Variants in NTM observed in about 807,000 individuals in gnomAD.
NTM encodes the protein IgLON family member 2.
NTM carries 13 observed loss-of-function variants against 42.1 expected under a neutral mutation model. That is an observed-to-expected ratio of 0.31 (90% CI 0.20 to 0.49). NTM has a LOEUF of 0.49. Ranked by LOEUF, NTM falls within the 20% of genes least tolerant of loss-of-function variation. The probability of loss-of-function intolerance (pLI) is 0.99; values close to 1 mark genes in which losing one functional copy is unlikely to be tolerated. For missense variants in NTM, 373 were observed against 452.8 expected (o/e 0.82, Z 1.60); for synonymous variants, 187 against 179.2 (o/e 1.04, Z -0.35).
At chr11:132,278,196 G>A (rs974239948) in intron 4 of NTM, among the ~76,000 whole-genome samples, 1 of 152,208 alleles carries the variant, frequency 6.6e-6, no homozygotes, top group African/African-American at 2.4e-5. Flanking sequence ...GTTGTACTTA[G>A]CTAGTGCTGT....
At chr11:131,778,517 G>A (rs377360754) in intron 1 of NTM, among the ~76,000 whole-genome samples, 1 of 152,296 alleles carries the variant, frequency 6.6e-6, no homozygotes, top group East Asian at 1.9e-4. Context: ...AACTACAAGA[G>A]AGAAGAAAGA....
intron 1 of NTM, among the ~76,000 whole-genome samples, chr11:131,584,311 C>T (rs1242708612): frequency 1.3e-5 from 2 of 152,206 alleles, no homozygotes; most frequent in Non-Finnish European, 2.9e-5. Flanking sequence ...ACTAACCCAG[C>T]CAGCATTTTC....
At chr11:131,629,882 T>A (rs1406560905) in intron 1 of NTM, among the ~76,000 whole-genome samples, 2 of 152,212 alleles carry the variant, frequency 1.3e-5, no homozygotes, top group Non-Finnish European at 2.9e-5. Context: ...ATTTTTCACA[T>A]GCAAAATTCT....
intron 3 of NTM, among the ~76,000 whole-genome samples, chr11:132,189,976 C>T (rs950522591): frequency 2.6e-5 from 4 of 152,172 alleles, no homozygotes; most frequent in Admixed American, 2.6e-4. Flanking sequence ...ATGATAGGTA[C>T]ATATACGAAT....
At chr11:131,754,976 T>C (rs1264429152) in intron 1 of NTM, among the ~76,000 whole-genome samples, 1 of 152,226 alleles carries the variant, frequency 6.6e-6, no homozygotes. Context: ...TTTTATGAAA[T>C]TCTAGGAAAG....
intron 2 of NTM, among the ~76,000 whole-genome samples, chr11:132,110,846 G>A (rs917902249): frequency 6.6e-6 from 1 of 151,492 alleles, no homozygotes. Context: ...ACCAGCCTGG[G>A]CAACATAGAG....
intron 1 of NTM, among the ~76,000 whole-genome samples, chr11:131,576,440 C>T (rs2057940000): frequency 6.6e-6 from 1 of 152,156 alleles, no homozygotes; most frequent in African/African-American, 2.4e-5. Context: ...GACCTGCCTT[C>T]ACCCATTGTC....
intron 1 of NTM, among the ~76,000 whole-genome samples, chr11:131,435,727 T>G (rs1420869508): frequency 1.3e-5 from 2 of 152,376 alleles, no homozygotes; most frequent in African/African-American, 4.8e-5. Context: ...TCATGTCATC[T>G]GCAAACAGGG....
At chr11:131,951,821 C>CAAAAAAA (rs11366451) in intron 2 of NTM, among the ~76,000 whole-genome samples, 1 of 70,152 alleles carries the variant, frequency 1.4e-5, no homozygotes. Context: ...GACTCCGTCT[C>CAAAAAAA]AAAAAAAAAA....
chr11:132,162,027 A>G (rs923440411), intron 3 of NTM, among the ~76,000 whole-genome samples: 3 of 152,336 alleles, frequency 2.0e-5, no homozygotes, highest in East Asian at 1.9e-4. Context: ...GAAGGAAGAC[A>G]CTAGGTTTCA....
intron 1 of NTM, among the ~76,000 whole-genome samples, chr11:131,444,203 CAAAAAAA>C (rs71475757): frequency 3.3e-3 from 162 of 49,540 alleles, no homozygotes; most frequent in Non-Finnish European, 5.0e-3. Context: ...AGGTTAGAAC[CAAAAAAA>C]AAAAAAAAAA....
At chr11:131,556,681 C>A (rs1192350692) in intron 1 of NTM, among the ~76,000 whole-genome samples, 1 of 151,208 alleles carries the variant, frequency 6.6e-6, no homozygotes, top group African/African-American at 2.4e-5. Flanking sequence ...GATTCTTCTG[C>A]CTCAGCCTCC....
chr11:132,124,120 T>C (rs1290200511), intron 2 of NTM, among the ~76,000 whole-genome samples: 2 of 152,198 alleles, frequency 1.3e-5, no homozygotes, highest in Non-Finnish European at 2.9e-5. Flanking sequence ...GCATAGTGCC[T>C]GGCACACTCC....
intron 4 of NTM, among the ~76,000 whole-genome samples, chr11:132,300,520 C>G (rs1403186887): frequency 6.6e-6 from 1 of 152,182 alleles, no homozygotes; most frequent in Admixed American, 6.5e-5. Context: ...CAGCTGCTAT[C>G]AACTCTTCAA....
intron 2 of NTM, among the ~76,000 whole-genome samples, chr11:132,106,237 G>T (rs992398228): frequency 2.0e-5 from 3 of 152,178 alleles, no homozygotes; most frequent in Admixed American, 1.3e-4. Flanking sequence ...AAATGAAAAG[G>T]GAAAGGGGAG....
chr11:131,680,216 T>G (rs922101730), intron 1 of NTM, among the ~76,000 whole-genome samples: 2 of 152,182 alleles, frequency 1.3e-5, no homozygotes, highest in Non-Finnish European at 2.9e-5. Flanking sequence ...GGCCTGCTCA[T>G]GAAATTGACA....
intron 1 of NTM, among the ~76,000 whole-genome samples, chr11:131,650,628 A>G (rs1037226270): frequency 1.3e-5 from 2 of 152,208 alleles, no homozygotes; most frequent in Admixed American, 6.5e-5. Context: ...ATAAACAGCC[A>G]TCATCATCAT....
At chr11:131,596,001 T>C (rs533151177) in intron 1 of NTM, among the ~76,000 whole-genome samples, 8 of 152,372 alleles carry the variant, frequency 5.3e-5, no homozygotes, top group Middle Eastern at 3.4e-3. Flanking sequence ...ACCATCTGCA[T>C]GGCAGGCTGG....
intron 1 of NTM, among the ~76,000 whole-genome samples, chr11:131,589,167 A>ATGTGTGTGTGTGTGTGTG (rs58237274): frequency 0.011 from 1,570 of 143,532 alleles, 34 homozygotes; most frequent in African/African-American, 0.038. Flanking sequence ...ACCTGGAAAA[A>ATGTGTGTGTGTGTGTGTG]TGTGTGTGTG....
Sources: gnomAD v4.1 joint callset for allele counts (sites outside exome capture counted in the v4.1 genomes callset) on GRCh38, gnomAD v4.1.1 for gene constraint, MANE v1.5 for transcripts, NCBI Gene and HGNC (gene_info 2026-07-23, HGNC 2026-07-21) for gene names.